The following GFPT1 variants were observed in gnomAD, a reference collection of about 807,000 sequenced individuals.
GFPT1 encodes glutamine--fructose-6-phosphate aminotransferase [isomerizing] 1.
A neutral mutation model predicts 92.0 loss-of-function variants in GFPT1; 40 were observed. The observed-to-expected ratio is 0.43, with a 90% CI of 0.34 to 0.57. GFPT1 has a LOEUF of 0.57. GFPT1 is among the 20% of genes least tolerant of loss of function. The probability of loss-of-function intolerance (pLI) is 0.02; values close to 1 mark genes in which losing one functional copy is unlikely to be tolerated. For synonymous variants in GFPT1, 269 were observed against 280.6 expected (o/e 0.96, Z 0.41); for missense variants, 448 against 869.1 (o/e 0.52, Z 6.09).
chr2:69,378,018 T>G (rs1385194559), intron 1 of GFPT1, among the ~76,000 whole-genome samples: 2 of 152,130 alleles, frequency 1.3e-5, no homozygotes, highest in Non-Finnish European at 2.9e-5. Context: ...AACAGTTTTT[T>G]GTTTTTTGTT....
At chr2:69,337,448 A>G (rs72826571) in intron 15 of GFPT1, among the ~76,000 whole-genome samples, 16,632 of 152,192 alleles carry the variant, frequency 0.11, 1,233 homozygotes, top group Non-Finnish European at 0.16. Context: ...TTTATTAGAA[A>G]CCATAAATAG....
In GFPT1 at chr2:69,322,581, A is replaced by G. The variant is rs1236190865; in HGVS notation, c.*3608T>C. 6.6e-6 allele frequency: 1 copy of G among 152,240 alleles called. No homozygotes were observed. Among genetic ancestry groups the G allele is most frequent in the East Asian group, 1.9e-4 (1 of 5,200 alleles). The allele number at this position is 152,240 out of a possible 1,614,324, so 9.4% of individuals were successfully genotyped here. A position where few individuals can be genotyped will look rare whatever the true frequency, so the allele number is the denominator to read the frequency against. ...CCCATCCTCAGAACTAACTCAAGAC[A>G]AGAGATCTGTATTCAAAAAGATAAA... On this transcript the variant is annotated 3_prime_UTR_variant, in exon 20 of 20. Transcript: ENST00000357308.
In GFPT1 at chr2:69,338,435, A is replaced by T. The variant is rs2104617072; in HGVS notation, c.1324+10T>A. On this transcript the variant is annotated intron_variant, in intron 14 of 19. Transcript: ENST00000357308. ...CTTTCCTTCCTTTTAAGTCTTTAAA[A>T]TTAACACACCTGATTGACTAAGGAA... 6.3e-7 allele frequency: 1 copy of T among 1,598,302 alleles called. No homozygotes were observed. The highest frequency in any genetic ancestry group is 8.6e-7 in the Non-Finnish European group (1 of 1,165,774).
chr2:69,382,524 C>A (rs1180690624), intron 1 of GFPT1, among the ~76,000 whole-genome samples: 1 of 152,174 alleles, frequency 6.6e-6, no homozygotes, highest in Non-Finnish European at 1.5e-5. Context: ...ATAATTTCTT[C>A]ATAACCATAT....
At chr2:69,350,316 A>G in intron 9 of GFPT1, 133 bp from the exon 10 acceptor site, 1 of 680,208 alleles carries the variant, frequency 1.5e-6, no homozygotes, top group South Asian at 1.6e-5. Flanking sequence ...TTAAAAAGCC[A>G]AGTAGATCAC....
At chr2:69,378,298 A>C (rs545267005) in intron 1 of GFPT1, among the ~76,000 whole-genome samples, 1 of 152,272 alleles carries the variant, frequency 6.6e-6, no homozygotes, top group Admixed American at 6.5e-5. Context: ...AAGCCACTGC[A>C]CCCGGCCTAA....
In GFPT1 at chr2:69,387,186, G is replaced by T; in HGVS notation, c.-115C>A. ...TCGGGGGCCGGGGTGGCGCCGACAC[G>T]ACTCCCTCGGGGATGCGACGGCCAA... On this transcript the variant is annotated 5_prime_UTR_variant, in exon 1 of 20. Transcript: ENST00000357308. The T allele has an allele frequency of 8.4e-7, 1 of 1,196,354 alleles. No individual in the cohort carries two copies. The highest frequency in any genetic ancestry group is 1.1e-6 in the Non-Finnish European group (1 of 877,416). 74.1% of individuals were successfully genotyped at this position (1,196,354 alleles called of 1,614,324 possible). A position where few individuals can be genotyped will look rare whatever the true frequency, so the allele number is the denominator to read the frequency against.
At chr2:69,341,484 G>A (rs1184333206) in intron 13 of GFPT1, among the ~76,000 whole-genome samples, 1 of 152,090 alleles carries the variant, frequency 6.6e-6, no homozygotes, top group Non-Finnish European at 1.5e-5. Context: ...CAGGAACTTT[G>A]GAAGTCAATC....
chr2:69,357,944 G>T (rs1671379548), intron 6 of GFPT1, among the ~76,000 whole-genome samples: 1 of 152,216 alleles, frequency 6.6e-6, no homozygotes, highest in Non-Finnish European at 1.5e-5. Context: ...AGCTACTATT[G>T]TGCTAAGTTA....
chr2:69,368,456 A>T (rs1671662866), intron 3 of GFPT1, among the ~76,000 whole-genome samples: 1 of 152,100 alleles, frequency 6.6e-6, no homozygotes, highest in African/African-American at 2.4e-5. Flanking sequence ...GGCCAGGCTC[A>T]GTGGCTAATG....
intron 15 of GFPT1, among the ~76,000 whole-genome samples, chr2:69,335,809 C>A (rs1456584252): frequency 6.6e-6 from 1 of 151,504 alleles, no homozygotes; most frequent in African/African-American, 2.4e-5. Flanking sequence ...TCGTTTGAGC[C>A]CAAGAGTTCG....
intron 1 of GFPT1, among the ~76,000 whole-genome samples, chr2:69,381,049 A>G (rs1415933168): frequency 6.6e-6 from 1 of 151,594 alleles, no homozygotes; most frequent in Non-Finnish European, 1.5e-5. Flanking sequence ...GCGCTATCTC[A>G]GCTCACTGCA....
At chr2:69,343,941 C>T (rs1360811841) in intron 12 of GFPT1, among the ~76,000 whole-genome samples, 1 of 152,040 alleles carries the variant, frequency 6.6e-6, no homozygotes, top group Non-Finnish European at 1.5e-5. Context: ...TTACTTTGGC[C>T]TTCAAGTCCC....
rs1204143187 is a variant in GFPT1 at position 69,320,445 on chromosome 2, GC to G, written c.*5743del. 1 of 152,134 alleles carries G rather than the reference GC, an allele frequency of 6.6e-6. No individual in the cohort carries two copies. Among genetic ancestry groups the G allele is most frequent in the Non-Finnish European group, 1.5e-5 (1 of 68,042 alleles). 9.4% of individuals were successfully genotyped at this position (152,134 alleles called of 1,614,324 possible). A position where few individuals can be genotyped will look rare whatever the true frequency, so the allele number is the denominator to read the frequency against. ...AAATATACAAAGCTGAGTGACAGAGGCAAAAATTAATTCCTAAAGATCCAAA... is the reference window on the plus strand; with the variant it reads ...AAATATACAAAGCTGAGTGACAGAGGAAAAATTAATTCCTAAAGATCCAAA... On this transcript the variant is annotated 3_prime_UTR_variant, in exon 20 of 20. Coordinates refer to ENST00000357308, the MANE Select transcript of GFPT1 (RefSeq NM_001244710.2).
intron 13 of GFPT1, among the ~76,000 whole-genome samples, chr2:69,341,510 G>A (rs565383192): frequency 3.0e-4 from 45 of 152,230 alleles, no homozygotes; most frequent in Admixed American, 9.8e-4. Context: ...AGCAGAAATT[G>A]AATGTAAAGG....
intron 1 of GFPT1, among the ~76,000 whole-genome samples, chr2:69,376,567 C>T (rs1407364466): frequency 6.6e-6 from 1 of 151,846 alleles, no homozygotes; most frequent in African/African-American, 2.4e-5. Flanking sequence ...AACTAGTTCC[C>T]ACCACTGTGA....
chr2:69,368,493 C>T (rs1671664033), intron 3 of GFPT1, among the ~76,000 whole-genome samples: 4 of 151,940 alleles, frequency 2.6e-5, no homozygotes, highest in Admixed American at 1.3e-4. Flanking sequence ...TTTGAGAGGC[C>T]GAGGCAGGCG....
intron 15 of GFPT1, among the ~76,000 whole-genome samples, chr2:69,332,730 T>C (rs1670694215): frequency 6.6e-6 from 1 of 152,196 alleles, no homozygotes; most frequent in African/African-American, 2.4e-5. Flanking sequence ...TATTGTGCTG[T>C]TGTCAGTTAC....
intron 3 of GFPT1, among the ~76,000 whole-genome samples, chr2:69,366,792 C>T (rs1160151238): frequency 6.6e-6 from 1 of 152,172 alleles, no homozygotes; most frequent in African/African-American, 2.4e-5. Context: ...GTGCCTTGAT[C>T]TTCTTGGGCC....
Sources: allele counts gnomAD v4.1 joint callset (sites outside exome capture counted in the v4.1 genomes callset), GRCh38; gene constraint gnomAD v4.1.1; transcripts MANE v1.5; gene names NCBI Gene and HGNC (gene_info 2026-07-23, HGNC 2026-07-21).